Variants in NCAN observed in about 807,000 individuals in gnomAD.
The protein encoded by NCAN is neurocan, also known as neurocan core protein.
In NCAN, 47 loss-of-function variants were observed where a neutral mutation model predicts 121.8. The observed-to-expected ratio is 0.39, with a 90% CI of 0.31 to 0.49. The LOEUF (loss-of-function observed/expected upper bound fraction) is 0.49. Among genes scored for constraint, NCAN ranks in the 20% least tolerant of loss-of-function variants. The probability of loss-of-function intolerance (pLI) is 0.92; values close to 1 mark genes in which losing one functional copy is unlikely to be tolerated. For missense variants in NCAN, 1,517 were observed against 1,773.4 expected (o/e 0.86, Z 2.60); for synonymous variants, 633 against 702.0 (o/e 0.90, Z 1.55).
rs763274349 is a variant in NCAN at position 19,249,831 on chromosome 19, C to T, written c.3886C>T (p.His1296Tyr). Residue 1296 changes from histidine to tyrosine, a missense_variant, in exon 15 of 15, where the codon CAC becomes TAC. Transcript: ENST00000252575. ...HHQHHHQHHH[H>Y]KSRKERRKHK... ...CCAACACCACCACCAGCATCACCAC[C>T]ACAAATCCCGCAAGGAGCGCAGAAA... The T allele has an allele frequency of 6.2e-6, 10 of 1,613,800 alleles. No individual in the cohort carries two copies. In the African/African-American group the frequency reaches 9.3e-5, roughly 15 times the overall value.
In NCAN at chr19:19,227,189, T is replaced by G. The variant is rs1198799578; in HGVS notation, c.1661-92T>G. On this transcript the variant is annotated intron_variant, in intron 7 of 14. Transcript: ENST00000252575. This position sits in a 1 kb window ranked among gnomAD's most constrained non-coding sequence, Gnocchi z 4.2. ...AGCTCCAAATCCCAGCTGGGTCCTC[T>G]GGCCCCAGAAGCCCCCTCTCCCTTG... The G allele has an allele frequency of 6.7e-7, 1 of 1,489,148 alleles. No homozygotes were observed. The highest frequency in any genetic ancestry group is 2.3e-5 in the East Asian group (1 of 43,650). The allele number at this position is 1,489,148 out of a possible 1,614,324, so 92.2% of individuals were successfully genotyped here.
In NCAN at chr19:19,225,118, G is replaced by A; in HGVS notation, c.920G>A (p.Gly307Asp). Residue 307 changes from glycine to aspartate, a missense_variant, in exon 6 of 15, where the codon GGC becomes GAC. Physicochemically the swap from Gly to Asp is moderately conservative, Grantham distance 94 (BLOSUM62 -1). Coordinates refer to ENST00000252575, the MANE Select transcript of NCAN (RefSeq NM_004386.3). The surrounding 1 kb of genome is among the most constrained non-coding windows in gnomAD (Gnocchi z 4.0). ...WHEGLDQCDPGWLADGSVRYP... is the reference protein window; with the variant it reads ...WHEGLDQCDPDWLADGSVRYP... ...GAGGGCCTGGACCAGTGCGACCCGGGCTGGCTGGCCGACGGCAGCGTGCGC... is the reference window on the plus strand; with the variant it reads ...GAGGGCCTGGACCAGTGCGACCCGGACTGGCTGGCCGACGGCAGCGTGCGC... The A allele has an allele frequency of 6.5e-7, 1 of 1,532,614 alleles. No homozygotes were observed. The highest frequency in any genetic ancestry group is 8.7e-7 in the Non-Finnish European group (1 of 1,148,496). 94.9% of individuals were successfully genotyped at this position (1,532,614 alleles called of 1,614,324 possible). A position where few individuals can be genotyped will look rare whatever the true frequency, so the allele number is the denominator to read the frequency against.
Position 19,224,308 on chromosome 19 carries a change from A to G in NCAN, c.653A>G (p.Tyr218Cys), listed in dbSNP as rs1247374839. The G allele has an allele frequency of 6.2e-7, 1 of 1,613,218 alleles. No individual in the cohort carries two copies. The highest frequency in any genetic ancestry group is 8.5e-7 in the Non-Finnish European group (1 of 1,179,360). Residue 218 changes from tyrosine (Y) to cysteine (C), a missense_variant and splice_region_variant, in exon 5 of 15, where the codon TAT (tyrosine) becomes TGT (cysteine). By Grantham distance (194) the Tyr-to-Cys change is radical. Coordinates refer to ENST00000252575, the MANE Select transcript of NCAN (RefSeq NM_004386.3). ...GGACCCTCCCCTTGTGTTGTCAGGT[A>G]TCCTATCACCCAGTCCCGTCCTGGT... The part of the protein sequence containing the change: ...AGWLSDRTVR[Y>C]PITQSRPGCY...
intron 8 of NCAN, among the ~76,000 whole-genome samples, chr19:19,229,368 A>G (rs2060849998): frequency 6.6e-6 from 1 of 152,228 alleles, no homozygotes; most frequent in African/African-American, 2.4e-5. Context: ...AAGACAGAGC[A>G]GGACACAGAC....
Position 19,249,968 on chromosome 19 carries a change from C to T in NCAN, c.*57C>T, listed in dbSNP as rs780760758. The T allele has an allele frequency of 7.1e-6, 11 of 1,544,572 alleles. No homozygotes were observed. Among genetic ancestry groups the T allele is most frequent in the African/African-American group, 2.7e-5 (2 of 72,994 alleles). On this transcript the variant is annotated 3_prime_UTR_variant, in exon 15 of 15. Transcript: ENST00000252575. The stretch of plus-strand genomic sequence containing the variant: ...CCCATGCCTCCTCTGGAGCCTTCGC[C>T]TGGGGAGACAGAACCCAGAGAGAAA...
rs2060831671 is a variant in NCAN at position 19,225,285 on chromosome 19, T to C, written c.1072+15T>C. 1 of 1,510,008 alleles carries C rather than the reference T, an allele frequency of 6.6e-7. No individual in the cohort carries two copies. Among genetic ancestry groups the C allele is most frequent in the Non-Finnish European group, 8.7e-7 (1 of 1,145,408 alleles). The allele number at this position is 1,510,008 out of a possible 1,614,324, so 93.5% of individuals were successfully genotyped here. A position where few individuals can be genotyped will look rare whatever the true frequency, so the allele number is the denominator to read the frequency against. ...CTGCTTCCGAGGTGCGTGCGTCCCCTGGTGGCCGCGCCCCCAGGGCTTTCA... is the reference window on the plus strand; with the variant it reads ...CTGCTTCCGAGGTGCGTGCGTCCCCCGGTGGCCGCGCCCCCAGGGCTTTCA... On this transcript the variant is annotated intron_variant, in intron 6 of 14. Coordinates refer to ENST00000252575, the MANE Select transcript of NCAN (RefSeq NM_004386.3). This position sits in a 1 kb window ranked among gnomAD's most constrained non-coding sequence, Gnocchi z 4.0.
chr19:19,240,273 A>G (rs983118059), intron 11 of NCAN, among the ~76,000 whole-genome samples: 2 of 147,902 alleles, frequency 1.4e-5, no homozygotes, highest in Non-Finnish European at 3.0e-5. Flanking sequence ...TGTAAACTTC[A>G]CTTCTATCTC....
At chr19:19,213,511 G>GTT (rs1055670135) in intron 1 of NCAN, among the ~76,000 whole-genome samples, 1 of 149,840 alleles carries the variant, frequency 6.7e-6, no homozygotes, top group Non-Finnish European at 1.5e-5. Flanking sequence ...TATGTGGGGG[G>GTT]GGGGGGGCCC....
intron 9 of NCAN, 115 bp downstream of exon 9, chr19:19,234,020 T>C (rs545422312): frequency 1.0e-5 from 7 of 670,866 alleles, no homozygotes; most frequent in South Asian, 1.8e-5. Flanking sequence ...TGGTTTCAGA[T>C]GCTCCATTCC....
intron 9 of NCAN, 98 bp from the exon 10 acceptor site, chr19:19,234,885 T>C (rs1456186088): frequency 1.5e-6 from 1 of 660,742 alleles, no homozygotes; most frequent in Non-Finnish European, 2.6e-6. Context: ...CCAGGATGGA[T>C]GGTAGGACCA....
intron 10 of NCAN, among the ~76,000 whole-genome samples, chr19:19,236,140 C>T (rs1449851740): frequency 6.6e-6 from 1 of 152,172 alleles, no homozygotes; most frequent in Non-Finnish European, 1.5e-5. Flanking sequence ...TTCAACACCC[C>T]AGAAGGAAAC....
intron 12 of NCAN, among the ~76,000 whole-genome samples, chr19:19,243,229 G>A (rs1236029761): frequency 6.6e-6 from 1 of 151,726 alleles, no homozygotes; most frequent in Non-Finnish European, 1.5e-5. Flanking sequence ...AAAAAGTTCT[G>A]GAAATAGGCT....
Position 19,227,690 on chromosome 19 carries a change from T to A in NCAN, c.2070T>A (p.Gly690=), listed in dbSNP as rs1295107543. The part of the protein sequence containing the change: ...LPLSLTPTGQ[G]GEAMPTTPES... ...TCTCTTTGACCCCAACAGGACAGGG[T>A]GGAGAGGCCATGCCCACAACACCTG... Residue 690 remains glycine (G), a synonymous_variant, in exon 8 of 15, where the codon GGT becomes GGA. Transcript: ENST00000252575. This position sits in a 1 kb window ranked among gnomAD's most constrained non-coding sequence, Gnocchi z 4.2. The A allele has an allele frequency of 6.2e-7, 1 of 1,613,712 alleles. No individual in the cohort carries two copies. The highest frequency in any genetic ancestry group is 1.7e-5 in the Admixed American group (1 of 59,992).
Position 19,228,012 on chromosome 19 carries a change from CCCCTGGGGAG to C in NCAN, c.2399_2408del (p.Gly800GlufsTer24), listed in dbSNP as rs1568597725. 6.2e-7 allele frequency: 1 copy of C among 1,613,460 alleles called. No homozygotes were observed. Among genetic ancestry groups the C allele is most frequent in the Admixed American group, 1.7e-5 (1 of 60,004 alleles). On this transcript the variant is annotated frameshift_variant, in exon 8 of 15. Coordinates refer to ENST00000252575, the MANE Select transcript of NCAN (RefSeq NM_004386.3). LOFTEE classifies it high-confidence loss of function. ...GCTGGATGCAAGTTCCCCATCTGCC[CCCCTGGGGAG>C]CCCTGGAGTCTTCTTGGTACCCAAA...
intron 6 of NCAN, 27 bp from the exon 7 acceptor site, chr19:19,226,459 C>T (rs1301882269): frequency 1.3e-6 from 2 of 1,529,268 alleles, no homozygotes; most frequent in African/African-American, 1.4e-5. Flanking sequence ...CTGGGCCTAA[C>T]ACAACCTCTT....
intron 3 of NCAN, among the ~76,000 whole-genome samples, chr19:19,221,170 G>A (rs1274578566): frequency 2.0e-5 from 3 of 151,936 alleles, no homozygotes; most frequent in Non-Finnish European, 4.4e-5. Context: ...AGTCCCAAGA[G>A]ATCGAGGCTG....
intron 12 of NCAN, among the ~76,000 whole-genome samples, chr19:19,243,274 T>C (rs1309951646): frequency 6.6e-6 from 1 of 151,518 alleles, no homozygotes; most frequent in Non-Finnish European, 1.5e-5. Context: ...TCCCAACACT[T>C]TGGGAGGCTG....
intron 1 of NCAN, 128 bp from the exon 2 acceptor site, chr19:19,216,819 T>G: frequency 2.0e-6 from 1 of 501,888 alleles, no homozygotes; most frequent in African/African-American, 2.0e-5. Context: ...TGACCTAGAA[T>G]AACACACTGG....
At chr19:19,234,962 G>T in intron 9 of NCAN, 21 bp from the exon 10 acceptor site, 3 of 1,543,862 alleles carry the variant, frequency 1.9e-6, no homozygotes, top group Non-Finnish European at 2.7e-6. Flanking sequence ...CTCTAACTCA[G>T]TCTCTTCCCC....
Sources: allele counts gnomAD v4.1 joint callset (sites outside exome capture counted in the v4.1 genomes callset), GRCh38; gene constraint gnomAD v4.1.1; non-coding constraint Gnocchi (gnomAD v3.1); transcripts MANE v1.5; gene names NCBI Gene and HGNC (gene_info 2026-07-23, HGNC 2026-07-21).